Variants in PRLR observed in about 807,000 individuals in gnomAD.
PRLR encodes prolactin receptor.
A neutral mutation model predicts 40.2 loss-of-function variants in PRLR; 13 were observed. The ratio of observed to expected loss-of-function variants is 0.32; its 90% CI spans 0.21 to 0.51. The LOEUF (loss-of-function observed/expected upper bound fraction) is 0.51, where lower values mean the gene tolerates loss of function less well. Ranked by LOEUF, PRLR falls within the 20% of genes least tolerant of loss-of-function variation. The pLI, the probability that PRLR is intolerant of heterozygous loss-of-function variation, is 0.97. For missense variants in PRLR, 656 were observed against 747.3 expected (o/e 0.88, Z 1.42); for synonymous variants, 269 against 278.7 (o/e 0.97, Z 0.35).
chr5:35,122,400 C>T (rs112573684), intron 1 of PRLR, among the ~76,000 whole-genome samples: 8,473 of 152,216 alleles, frequency 0.056, 344 homozygotes, highest in Middle Eastern at 0.11. Flanking sequence ...TCCCTCCCCA[C>T]GCCCTGATAG....
chr5:35,059,125 G>A lies in PRLR; in HGVS notation c.*5964C>T, dbSNP rs1027683871. ...ATTTTGAGGTTTATCCAAGTGAAGC[G>A]TAATTTGACCATAACTATTAAAGGT... On this transcript the variant is annotated 3_prime_UTR_variant, in exon 10 of 10. Transcript: ENST00000618457. The A allele has an allele frequency of 7.2e-5, 11 of 152,228 alleles. No individual in the cohort carries two copies. Among genetic ancestry groups the A allele is most frequent in the East Asian group, 3.9e-4 (2 of 5,182 alleles). 9.4% of individuals were successfully genotyped at this position (152,228 alleles called of 1,614,324 possible).
chr5:35,075,646 C>A (rs1770036995), intron 5 of PRLR, among the ~76,000 whole-genome samples: 1 of 152,224 alleles, frequency 6.6e-6, no homozygotes, highest in South Asian at 2.1e-4. Context: ...GCAGAAACTT[C>A]TGCAGACTTA....
At chr5:35,126,397 G>C (rs779387104) in intron 1 of PRLR, among the ~76,000 whole-genome samples, 1 of 152,144 alleles carries the variant, frequency 6.6e-6, no homozygotes, top group Non-Finnish European at 1.5e-5. Flanking sequence ...TTCATCCCAG[G>C]TTCTCACTTT....
At chr5:35,159,253 T>C (rs1774600533) in intron 1 of PRLR, among the ~76,000 whole-genome samples, 1 of 151,588 alleles carries the variant, frequency 6.6e-6, no homozygotes, top group Non-Finnish European at 1.5e-5. Context: ...TCCTTCGGCC[T>C]TCTTTTGGCC....
At chr5:35,115,109 A>G (rs1772931858) in intron 2 of PRLR, among the ~76,000 whole-genome samples, 2 of 152,208 alleles carry the variant, frequency 1.3e-5, no homozygotes, top group Admixed American at 1.3e-4. Context: ...AGGCTGGCAA[A>G]CATTTGAAAT....
chr5:35,106,969 G>C (rs1010215585), intron 2 of PRLR, among the ~76,000 whole-genome samples: 1 of 152,056 alleles, frequency 6.6e-6, no homozygotes, highest in African/African-American at 2.4e-5. Context: ...TGACCACATA[G>C]TTGGAAGTAA....
rs1193699061 is a variant in PRLR, at chr5:35,118,160, CAAAACGGGAGAT to C, written c.-105-50_-105-39del. 9 of 952,886 alleles carry C rather than the reference CAAAACGGGAGAT, an allele frequency of 9.4e-6. No individual in the cohort carries two copies. In the African/African-American group the frequency reaches 1.6e-4, roughly 17 times the overall value. The allele number at this position is 952,886 out of a possible 1,614,324, so 59.0% of individuals were successfully genotyped here. A position where few individuals can be genotyped will look rare whatever the true frequency, so the allele number is the denominator to read the frequency against. ...ATGATTCATTTTAGCTCCAAGATGA[CAAAACGGGAGAT>C]TCCATTTCTGGCTCACTCTGCAGTA... On this transcript the variant is annotated intron_variant, in intron 1 of 9. Coordinates refer to ENST00000618457, the MANE Select transcript of PRLR (RefSeq NM_000949.7).
chr5:35,141,167 G>A (rs538227736), intron 1 of PRLR, among the ~76,000 whole-genome samples: 1 of 151,806 alleles, frequency 6.6e-6, no homozygotes, highest in East Asian at 1.9e-4. Flanking sequence ...AAGGAGTCTG[G>A]GTCCCCAACA....
intron 1 of PRLR, among the ~76,000 whole-genome samples, chr5:35,214,009 A>C (rs758285289): frequency 1.3e-5 from 2 of 152,130 alleles, no homozygotes; most frequent in Non-Finnish European, 2.9e-5. Flanking sequence ...TCCTCAGCAC[A>C]TTTCCAGCCT....
downstream of PRLR, among the ~76,000 whole-genome samples, chr5:35,052,847 T>C (rs1768547435): frequency 6.6e-6 from 1 of 152,172 alleles, no homozygotes; most frequent in South Asian, 2.1e-4. Flanking sequence ...CTGTCGGCAT[T>C]AGGTCCAATC....
chr5:35,157,316 T>A (rs1000669778), intron 1 of PRLR, among the ~76,000 whole-genome samples: 10 of 152,134 alleles, frequency 6.6e-5, no homozygotes, highest in African/African-American at 2.4e-4. Context: ...CAGCACAATA[T>A]CCTCTTGACT....
chr5:35,072,484 A>C, intron 6 of PRLR, 91 bp downstream of exon 6: 1 of 1,410,690 alleles, frequency 7.1e-7, no homozygotes, highest in Admixed American at 2.1e-5. Flanking sequence ...ACAGTGACCC[A>C]GTAATTAGGA....
rs912614558 is a variant in PRLR at position 35,059,247 on chromosome 5, C to T, written c.*5842G>A. 2 of 152,078 alleles carry T rather than the reference C, an allele frequency of 1.3e-5. No homozygotes were observed. Among genetic ancestry groups the T allele is most frequent in the Non-Finnish European group, 2.9e-5 (2 of 68,024 alleles). The allele number at this position is 152,078 out of a possible 1,614,324, so 9.4% of individuals were successfully genotyped here. The stretch of plus-strand genomic sequence containing the variant: ...ATGTTAATTAATAGTCTAAGATGAT[C>T]TGAGAGTTAATTAATAGACTAAGAT... On this transcript the variant is annotated 3_prime_UTR_variant, in exon 10 of 10. Coordinates refer to ENST00000618457, the MANE Select transcript of PRLR (RefSeq NM_000949.7).
chr5:35,201,374 T>C lies in PRLR; in HGVS notation c.-106+28894A>G, dbSNP rs113918831. On this transcript the variant is annotated intron_variant, in intron 1 of 9. Transcript: ENST00000618457. The stretch of plus-strand genomic sequence containing the variant: ...TGTGAGAGTACGTTTATTATTTGTG[T>C]GTCCAAGGAAAATGATATTTTACCC... Among the ~76,000 whole-genome samples the C allele has an allele frequency of 9.2e-3, 1,398 of 152,320 alleles. 25 individuals carry two copies. The highest frequency in any genetic ancestry group is 0.032 in the African/African-American group (1,345 of 41,568).
At chr5:35,178,476 T>G (rs2111969219) in intron 1 of PRLR, among the ~76,000 whole-genome samples, 1 of 152,260 alleles carries the variant, frequency 6.6e-6, no homozygotes, top group Middle Eastern at 3.4e-3. Flanking sequence ...AACTGCAAAA[T>G]GTACACTGTA....
intron 1 of PRLR, among the ~76,000 whole-genome samples, chr5:35,181,711 A>G (rs909693313): frequency 6.6e-6 from 1 of 152,232 alleles, no homozygotes; most frequent in Non-Finnish European, 1.5e-5. Context: ...ATAGATCCTC[A>G]AGCCTTCTTA....
At chr5:35,222,707 G>C (rs913653558) in intron 1 of PRLR, among the ~76,000 whole-genome samples, 1 of 152,150 alleles carries the variant, frequency 6.6e-6, no homozygotes, top group South Asian at 2.1e-4. Flanking sequence ...AGGAGAGTGG[G>C]TAGACTCACT....
chr5:35,217,837 T>C (rs956180047), intron 1 of PRLR, among the ~76,000 whole-genome samples: 8 of 152,286 alleles, frequency 5.3e-5, no homozygotes, highest in Middle Eastern at 6.8e-3. Flanking sequence ...ACTCATTGAA[T>C]CAAACCCTGA....
chr5:35,150,271 T>C (rs1001563254), intron 1 of PRLR, among the ~76,000 whole-genome samples: 1 of 152,210 alleles, frequency 6.6e-6, no homozygotes, highest in African/African-American at 2.4e-5. Flanking sequence ...AGAGTGAGGA[T>C]TGTTCTATGG....
Sources: gnomAD v4.1 joint callset for allele counts (sites outside exome capture counted in the v4.1 genomes callset) on GRCh38, gnomAD v4.1.1 for gene constraint, MANE v1.5 for transcripts, NCBI Gene and HGNC (gene_info 2026-07-23, HGNC 2026-07-21) for gene names.